Variants in GRIK5 observed in about 807,000 individuals in gnomAD.
The protein encoded by GRIK5 is glutamate receptor ionotropic, kainate 5.
In GRIK5, 43 loss-of-function variants were observed where a neutral mutation model predicts 97.4. The ratio of observed to expected loss-of-function variants is 0.44; its 90% confidence interval spans 0.35 to 0.57. The LOEUF (loss-of-function observed/expected upper bound fraction) is 0.57. GRIK5 is among the 20% of genes least tolerant of loss of function. GRIK5 has a pLI of 0.01. For missense variants in GRIK5, 1,015 were observed against 1,382.0 expected (o/e 0.73, Z 4.21); for synonymous variants, 580 against 583.5 (o/e 0.99, Z 0.09).
At chr19:42,049,298 C>A (rs1019285912) in intron 11 of GRIK5, among the ~76,000 whole-genome samples, 1 of 152,132 alleles carries the variant, frequency 6.6e-6, no homozygotes, top group Non-Finnish European at 1.5e-5. Context: ...TGGGACCCAG[C>A]AACTAGAACA....
Position 42,053,873 on chromosome 19 carries a change from G to C in GRIK5, c.1113C>G (p.Thr371=), listed in dbSNP as rs1377429273. The C allele has an allele frequency of 5.0e-6, 8 of 1,613,914 alleles. No individual in the cohort carries two copies. The highest frequency in any genetic ancestry group is 1.7e-5 in the Admixed American group (1 of 60,006). ...TTTCTAGGATGCGCAGGGTGTAGTT[G>C]GTTCTCTGCCCTTTGCTGTTGAACT... ...RVEFNSKGQR[T]NYTLRILEKS... Residue 371 remains threonine (T), a synonymous_variant, in exon 10 of 20, where the codon ACC becomes ACG. Transcript: ENST00000593562.
rs771322623 is a variant in GRIK5, at chr19:42,062,354, G to A, written c.508+134C>T. 6.5e-5 allele frequency: 52 copies of A among 796,934 alleles called. No homozygotes were observed. Among genetic ancestry groups the A allele is most frequent in the Admixed American group, 1.6e-4 (6 of 37,056 alleles). 49.4% of individuals were successfully genotyped at this position (796,934 alleles called of 1,614,324 possible). ...AGAACCAGAGGCCTCGGTTTCTGAA[G>A]ATGGGAGAAGAGCCTGGTGCCTGGG... On this transcript the variant is annotated intron_variant, in intron 5 of 19. Transcript: ENST00000593562. This position sits in a 1 kb window ranked among gnomAD's most constrained non-coding sequence, Gnocchi z 5.3.
chr19:42,005,728 G>A lies in GRIK5; in HGVS notation c.2258C>T (p.Pro753Leu), dbSNP rs2075481405. The A allele has an allele frequency of 6.2e-7, 1 of 1,608,606 alleles. No homozygotes were observed. The highest frequency in any genetic ancestry group is 8.5e-7 in the Non-Finnish European group (1 of 1,175,212). Residue 753 changes from proline (P) to leucine (L), a missense_variant, in exon 17 of 20, where the codon CCG (proline) becomes CTG (leucine). Around this residue, in one of 5 missense-constraint regions of GRIK5, gnomAD observed 229 missense variants for 341.0 expected, o/e 0.67. Transcript: ENST00000593562. ...LDTKGYGIGM[P>L]LGSPFRDEIT... ...CACACCGTGCTGTGCCGTACCCAGC[G>A]GCATGCCAATGCCGTAGCCCTTGGT... is the stretch of plus-strand genomic sequence containing the variant.
rs1973373187 is a variant in GRIK5, at chr19:41,999,582, A to T, written c.2515-283T>A. On this transcript the variant is annotated intron_variant, in intron 19 of 19. Transcript: ENST00000593562. The surrounding 1 kb of genome is among the most constrained non-coding windows in gnomAD (Gnocchi z 5.0). ...CTCCTCTCTTTCCTCTGGTCTTTTC[A>T]CTGTCTCTAAATTTTCTCCAGTTCT... Among the ~76,000 whole-genome samples, 1 of 151,448 alleles carries T rather than the reference A, an allele frequency of 6.6e-6. No homozygotes were observed. Among genetic ancestry groups the T allele is most frequent in the Admixed American group, 6.6e-5 (1 of 15,212 alleles).
In GRIK5 at chr19:42,053,687, C is replaced by T. The variant is rs138759162; in HGVS notation, c.1184G>A (p.Arg395His). The part of the protein sequence containing the change: ...HREIGVWYSN[R>H]TLAMNATTLD... ...GGTGGTGGCATTCATGGCCAGGGTGCGGTTAGAGTACCACACCCCAATCTA... is the reference window on the plus strand; with the variant it reads ...GGTGGTGGCATTCATGGCCAGGGTGTGGTTAGAGTACCACACCCCAATCTA... The change falls in exon 11 of 20, where the codon CGC becomes CAC. Residue 395 changes from arginine to histidine, a missense_variant. Physicochemically the swap from Arg to His is conservative, Grantham distance 29. Transcript: ENST00000593562. The T allele has an allele frequency of 1.0e-4, 167 of 1,609,432 alleles. 1 individual carries two copies. In the East Asian group the frequency reaches 2.6e-3, roughly 25 times the overall value.
chr19:42,002,090 T>C lies in GRIK5; in HGVS notation c.2514+1242A>G. On this transcript the variant is annotated intron_variant, in intron 19 of 19. Coordinates refer to ENST00000593562, the MANE Select transcript of GRIK5 (RefSeq NM_002088.5). This position sits in a 1 kb window ranked among gnomAD's most constrained non-coding sequence, Gnocchi z 5.2. ...TGCCGAAGCCCACTGCTACCTCATA[T>C]ACATGAGGCCTGAGACCGGGAATTT... is the stretch of plus-strand genomic sequence containing the variant. 2 of 711,252 alleles carry C rather than the reference T, an allele frequency of 2.8e-6. No individual in the cohort carries two copies. The highest frequency in any genetic ancestry group is 5.2e-6 in the Non-Finnish European group (2 of 381,916). The allele number at this position is 711,252 out of a possible 1,614,324, so 44.1% of individuals were successfully genotyped here.
rs1027142913 is a variant in GRIK5, at chr19:42,002,871, G to A, written c.2514+461C>T. Among the ~76,000 whole-genome samples, 3 of 152,104 alleles carry A rather than the reference G, an allele frequency of 2.0e-5. No individual in the cohort carries two copies. Among genetic ancestry groups the A allele is most frequent in the African/African-American group, 7.2e-5 (3 of 41,406 alleles). ...CCATCTCAGCCTCCCGAGTAGCTGG[G>A]ATTACAGGTGTGCACCACCATGCCC... On this transcript the variant is annotated intron_variant, in intron 19 of 19. Transcript: ENST00000593562. The surrounding 1 kb of genome is among the most constrained non-coding windows in gnomAD (Gnocchi z 5.2).
intron 5 of GRIK5, 95 bp from the exon 6 acceptor site, chr19:42,059,622 A>T: frequency 9.2e-7 from 1 of 1,081,226 alleles, no homozygotes; most frequent in Non-Finnish European, 1.3e-6. Flanking sequence ...AGCTGGGCAG[A>T]GGACTGGAGG....
At chr19:42,010,500 G>A (rs1348475892) in intron 15 of GRIK5, among the ~76,000 whole-genome samples, 2 of 152,176 alleles carry the variant, frequency 1.3e-5, no homozygotes, top group Non-Finnish European at 2.9e-5. Flanking sequence ...GAGTGTGCAA[G>A]CCCAAAGATG....
intron 15 of GRIK5, among the ~76,000 whole-genome samples, chr19:42,014,467 C>G (rs1474592985): frequency 6.6e-6 from 1 of 151,934 alleles, no homozygotes; most frequent in Non-Finnish European, 1.5e-5. Flanking sequence ...GCTCCAAGGC[C>G]TAAGTATACA....
rs370151251 is a variant in GRIK5 at position 42,054,727 on chromosome 19, T to G, written c.904-255A>C. ...CCCAGAATGTATGTGGCCATGTATC[T>G]CTCAGAGGGTGCCTGGATAGCTAGC... On this transcript the variant is annotated intron_variant, in intron 8 of 19. Coordinates refer to ENST00000593562, the MANE Select transcript of GRIK5 (RefSeq NM_002088.5). Among the ~76,000 whole-genome samples the G allele has an allele frequency of 9.9e-5, 15 of 152,240 alleles. No individual in the cohort carries two copies. The South Asian group carries it at 3.1e-3, about 32-fold the overall frequency.
intron 12 of GRIK5, among the ~76,000 whole-genome samples, chr19:42,041,959 C>T (rs907164776): frequency 6.6e-6 from 1 of 152,168 alleles, no homozygotes; most frequent in African/African-American, 2.4e-5. Flanking sequence ...TGTCTTGCGC[C>T]CCAAAGAGAC....
rs2076311161 is a variant in GRIK5, at chr19:42,065,076, T to G, written c.244+147A>C. 1 of 696,882 alleles carries G rather than the reference T, an allele frequency of 1.4e-6. No individual in the cohort carries two copies. Among genetic ancestry groups the G allele is most frequent in the Non-Finnish European group, 2.3e-6 (1 of 429,572 alleles). The allele number at this position is 696,882 out of a possible 1,614,324, so 43.2% of individuals were successfully genotyped here. On this transcript the variant is annotated intron_variant, in intron 3 of 19. Coordinates refer to ENST00000593562, the MANE Select transcript of GRIK5 (RefSeq NM_002088.5). This position sits in a 1 kb window ranked among gnomAD's most constrained non-coding sequence, Gnocchi z 5.8. Reference sequence around the variant, plus strand: ...ACCCCCAGGCCCAGCAGCAGCCATGTCTGGGAAGAAGGCAGAGACAAACAC... The same window carrying G: ...ACCCCCAGGCCCAGCAGCAGCCATGGCTGGGAAGAAGGCAGAGACAAACAC...
intron 12 of GRIK5, among the ~76,000 whole-genome samples, chr19:42,030,919 C>A (rs1002696164): frequency 6.6e-6 from 1 of 152,150 alleles, no homozygotes; most frequent in Non-Finnish European, 1.5e-5. Flanking sequence ...CAGTGTGAGG[C>A]TATGTGGACT....
chr19:42,008,859 A>G (rs2146022665), intron 15 of GRIK5, among the ~76,000 whole-genome samples: 1 of 152,356 alleles, frequency 6.6e-6, no homozygotes, highest in East Asian at 1.9e-4. Flanking sequence ...CTTTTAGAGA[A>G]TGATATACAC....
rs1331644457 is a variant in GRIK5, at chr19:41,998,858, G to C, written c.*13C>G. On this transcript the variant is annotated 3_prime_UTR_variant, in exon 20 of 20. Transcript: ENST00000593562. Reference sequence around the variant, plus strand: ...TTCGGTCAGTCCGGGCGCCCGCACAGCCCCGCCCGTGGTCACTCGTGCTCC... The same window carrying C: ...TTCGGTCAGTCCGGGCGCCCGCACACCCCCGCCCGTGGTCACTCGTGCTCC... 4 of 1,114,362 alleles carry C rather than the reference G, an allele frequency of 3.6e-6. No homozygotes were observed. Among genetic ancestry groups the C allele is most frequent in the Non-Finnish European group, 4.4e-6 (4 of 911,524 alleles). 69.0% of individuals were successfully genotyped at this position (1,114,362 alleles called of 1,614,324 possible).
rs974127564 is a variant in GRIK5 at position 42,000,848 on chromosome 19, G to A, written c.2515-1549C>T. Among the ~76,000 whole-genome samples the A allele has an allele frequency of 2.0e-5, 3 of 152,204 alleles. No homozygotes were observed. In the South Asian group the frequency reaches 6.2e-4, roughly 31 times the overall value. ...GCAGTCCTTGGAGAGGTCCTTGTCT[G>A]AGGAACTGAGGCCTCCTGCCAACTG... On this transcript the variant is annotated intron_variant, in intron 19 of 19. Coordinates refer to ENST00000593562, the MANE Select transcript of GRIK5 (RefSeq NM_002088.5).
At chr19:42,004,473 C>A (rs782274628) in intron 17 of GRIK5, among the ~76,000 whole-genome samples, 2 of 152,214 alleles carry the variant, frequency 1.3e-5, no homozygotes, top group Non-Finnish European at 2.9e-5. Context: ...TGATTAATAT[C>A]TACCAGGCAC....
At chr19:42,024,025 ATG>A in intron 12 of GRIK5, among the ~76,000 whole-genome samples, 1 of 152,276 alleles carries the variant, frequency 6.6e-6, no homozygotes, top group Non-Finnish European at 1.5e-5. Context: ...TGCTCCAGCC[ATG>A]ATGGCCCGTT....
Sources: gnomAD v4.1 joint callset for allele counts (sites outside exome capture counted in the v4.1 genomes callset) on GRCh38, gnomAD v4.1.1 for gene constraint, gnomAD v4.1.1 regional missense constraint, Gnocchi (gnomAD v3.1) non-coding constraint, MANE v1.5 for transcripts, NCBI Gene and HGNC (gene_info 2026-07-23, HGNC 2026-07-21) for gene names.